CD99L2: variants seen among roughly 807,000 people sequenced by gnomAD.
CD99L2 encodes CD99 antigen-like protein 2.
Under a neutral mutation model 27.3 loss-of-function variants are expected in CD99L2, and 24 were observed. The observed-to-expected ratio is 0.88, with a 90% CI of 0.64 to 1.24. The LOEUF (loss-of-function observed/expected upper bound fraction) is 1.24, where lower values mean the gene tolerates loss of function less well. Ranked by LOEUF, CD99L2 falls within the 50% of genes most tolerant of loss-of-function variation. The probability of loss-of-function intolerance (pLI) is 0.00; values close to 1 mark genes in which losing one functional copy is unlikely to be tolerated. For missense variants in CD99L2, 255 were observed against 221.6 expected (o/e 1.15, Z -0.96); for synonymous variants, 97 against 87.9 (o/e 1.10, Z -0.58).
intron 10 of CD99L2, among the ~76,000 whole-genome samples, chrX:150,769,860 G>C (rs1377650854): frequency 2.6e-5 from 3 of 113,261 alleles, no homozygotes; most frequent in African/African-American, 9.6e-5. Flanking sequence ...GATGACCACA[G>C]AAGGGGGAGG....
In CD99L2 at chrX:150,861,141, C is replaced by CAAA. The variant is rs782255590; in HGVS notation, c.68-29851_68-29849dup. Among the ~76,000 whole-genome samples, 55 of 40,915 alleles carry CAAA rather than the reference C, an allele frequency of 1.3e-3. 1 individual carries two copies. Among genetic ancestry groups the CAAA allele is most frequent in the African/African-American group, 4.5e-3 (51 of 11,369 alleles). The allele number at this position is 40,915 out of a possible 115,157, so 35.5% of individuals were successfully genotyped here. A position where few individuals can be genotyped will look rare whatever the true frequency, so the allele number is the denominator to read the frequency against. ...TGGGTGACAGAGTGAGACTCTGTCTCAAAAAAAAAAAAAAAAAAGAGTATC... is the reference window on the plus strand; with the variant it reads ...TGGGTGACAGAGTGAGACTCTGTCTCAAAAAAAAAAAAAAAAAAAAAGAGTATC... On this transcript the variant is annotated intron_variant, in intron 1 of 10. Transcript: ENST00000370377.
At chrX:150,818,781 T>C in intron 2 of CD99L2, 1 of 300,047 alleles carries the variant, frequency 3.3e-6, no homozygotes, top group Non-Finnish European at 6.6e-6. Flanking sequence ...TTTGACACCG[T>C]CGCTGTCTAA....
intron 4 of CD99L2, among the ~76,000 whole-genome samples, chrX:150,798,923 G>A (rs1352375184): frequency 9.0e-6 from 1 of 111,421 alleles, no homozygotes; most frequent in Non-Finnish European, 1.9e-5. Context: ...GCTAATTTTT[G>A]CATTTTTTGT....
At chrX:150,782,060 G>A in intron 7 of CD99L2, among the ~76,000 whole-genome samples, 2 of 111,754 alleles carry the variant, frequency 1.8e-5, no homozygotes, top group Non-Finnish European at 3.8e-5. Flanking sequence ...GGTTGCCAAG[G>A]GCATGGAGAG....
intron 7 of CD99L2, among the ~76,000 whole-genome samples, chrX:150,787,933 G>A (rs2045626294): frequency 1.2e-5 from 1 of 83,642 alleles, no homozygotes; most frequent in East Asian, 3.6e-4. Context: ...TATAAAAGGA[G>A]TCCTTTCCCC....
At chrX:150,836,203 A>C (rs2046524815) in intron 1 of CD99L2, among the ~76,000 whole-genome samples, 1 of 111,696 alleles carries the variant, frequency 9.0e-6, no homozygotes, top group Admixed American at 9.5e-5. Flanking sequence ...AATTGACCTA[A>C]GTAAATGGAT....
chrX:150,885,035 T>G (rs1236592231), intron 1 of CD99L2, among the ~76,000 whole-genome samples: 1 of 111,926 alleles, frequency 8.9e-6, no homozygotes, highest in East Asian at 2.8e-4. Context: ...ATCCCATTTC[T>G]ACAAGGTTAG....
chrX:150,847,078 C>T (rs1273151295), intron 1 of CD99L2, among the ~76,000 whole-genome samples: 3 of 112,284 alleles, frequency 2.7e-5, no homozygotes, highest in South Asian at 7.4e-4. Flanking sequence ...GCACGAGGCA[C>T]CTCCTACCCT....
At chrX:150,771,003 C>T (rs782092558) in intron 9 of CD99L2, among the ~76,000 whole-genome samples, 10 of 112,489 alleles carry the variant, frequency 8.9e-5, no homozygotes, top group Non-Finnish European at 1.5e-4. Flanking sequence ...AAGAGGGATT[C>T]GGGGACTGTA....
intron 1 of CD99L2, among the ~76,000 whole-genome samples, chrX:150,858,344 C>T (rs2046925134): frequency 8.9e-6 from 1 of 112,493 alleles, no homozygotes; most frequent in African/African-American, 3.2e-5. Flanking sequence ...TGGATTTAAA[C>T]TGGACTTTAG....
intron 1 of CD99L2, among the ~76,000 whole-genome samples, chrX:150,833,884 T>C (rs1557421128): frequency 8.9e-6 from 1 of 111,982 alleles, no homozygotes; most frequent in Non-Finnish European, 1.9e-5. Flanking sequence ...ATTTCCTAGA[T>C]AAGACTCCAA....
intron 1 of CD99L2, among the ~76,000 whole-genome samples, chrX:150,833,182 G>GA (rs1372572324): frequency 9.1e-6 from 1 of 110,307 alleles, no homozygotes; most frequent in Non-Finnish European, 1.9e-5. Context: ...TGAACTGTCT[G>GA]AAAAAAAGAA....
At chrX:150,818,723 G>T (rs2046201879) in intron 2 of CD99L2, 1 of 173,476 alleles carries the variant, frequency 5.8e-6, no homozygotes, top group African/African-American at 3.1e-5. Context: ...GAAAAAGAAG[G>T]CTTTGCAGAC....
At chrX:150,861,913 A>T (rs782796992) in intron 1 of CD99L2, among the ~76,000 whole-genome samples, 2 of 95,612 alleles carry the variant, frequency 2.1e-5, no homozygotes, top group South Asian at 9.5e-4. Context: ...CTCAAAAAAA[A>T]AAAAAGAGAG....
intron 1 of CD99L2, among the ~76,000 whole-genome samples, chrX:150,891,507 C>T (rs1317827734): frequency 7.2e-5 from 8 of 111,853 alleles, no homozygotes; most frequent in Non-Finnish European, 1.3e-4. Flanking sequence ...TTAAAGGACC[C>T]GGGTGATTAC....
intron 4 of CD99L2, among the ~76,000 whole-genome samples, chrX:150,803,483 A>G (rs2045950386): frequency 8.9e-6 from 1 of 112,025 alleles, no homozygotes; most frequent in Non-Finnish European, 1.9e-5. Flanking sequence ...CCTTAAAAGA[A>G]CTTGACAAAG....
intron 4 of CD99L2, among the ~76,000 whole-genome samples, chrX:150,803,205 T>C (rs1385309651): frequency 9.0e-6 from 1 of 111,639 alleles, no homozygotes; most frequent in Non-Finnish European, 1.9e-5. Context: ...GAAAAGAAAA[T>C]ATTTAAACAT....
At chrX:150,863,122 GTTA>G (rs1389361949) in intron 1 of CD99L2, among the ~76,000 whole-genome samples, 3 of 112,239 alleles carry the variant, frequency 2.7e-5, no homozygotes, top group African/African-American at 9.7e-5. Flanking sequence ...ACCTTAGTAT[GTTA>G]TTATGCCTTT....
At chrX:150,813,888 T>C (rs1324920357) in intron 4 of CD99L2, among the ~76,000 whole-genome samples, 1 of 112,187 alleles carries the variant, frequency 8.9e-6, no homozygotes, top group Non-Finnish European at 1.9e-5. Context: ...TGAAAATGAA[T>C]GAGCCTGTCA....
Sources: allele counts gnomAD v4.1 joint callset (sites outside exome capture counted in the v4.1 genomes callset), GRCh38; gene constraint gnomAD v4.1.1; transcripts MANE v1.5; gene names NCBI Gene and HGNC (gene_info 2026-07-23, HGNC 2026-07-21).